The following SPHK1 variants were observed in gnomAD, a reference collection of about 807,000 sequenced individuals.
SPHK1 encodes sphingosine kinase 1.
In SPHK1, 10 loss-of-function variants were observed where a neutral mutation model predicts 14.6. That is an observed-to-expected ratio of 0.68 (90% confidence interval 0.42 to 1.16). The LOEUF (loss-of-function observed/expected upper bound fraction) is 1.16, where lower values mean the gene tolerates loss of function less well. Among genes scored for constraint, SPHK1 ranks in the 50% most tolerant of loss-of-function variants. SPHK1 has a pLI of 0.00. For synonymous variants in SPHK1, 274 were observed against 224.0 expected, an observed-to-expected ratio of 1.22 and a Z score of -1.99; for missense variants, 553 against 525.4, an observed-to-expected ratio of 1.05 and a Z score of -0.51.
chr17:76,386,234 C>T lies in SPHK1; in HGVS notation c.177C>T (p.His59=), dbSNP rs779438453. 2.1e-5 allele frequency: 34 copies of T among 1,594,784 alleles called. No individual in the cohort carries two copies. The highest frequency in any genetic ancestry group is 3.3e-5 in the South Asian group (3 of 90,294). ...GTCTCCCTGCAGAGCGGCGGAACCA[C>T]GCGCGGGAGCTGGTGCGGTCGGAGG... ...FTLMLTERRN[H]ARELVRSEEL... is the part of the protein sequence containing the mutation. The change falls in exon 4 of 6, where the codon CAC becomes CAT. Residue 59 remains histidine (H), a synonymous_variant. Coordinates refer to ENST00000592299, the MANE Select transcript of SPHK1 (RefSeq NM_001142601.2). This position sits in a 1 kb window ranked among gnomAD's most constrained non-coding sequence, Gnocchi z 5.3.
At chr17:76,383,717 G>A, upstream of SPHK1, 1 of 648,232 alleles carries the variant, frequency 1.5e-6, no homozygotes, top group South Asian at 1.6e-5. Flanking sequence ...TCTGTGGCTT[G>A]CCGCGATAAG....
Position 76,386,267 on chromosome 17 carries a change from C to CCGCTGGGA in SPHK1, c.215_222dup (p.Leu75GlyfsTer12). The CCGCTGGGA allele has an allele frequency of 6.3e-7, 1 of 1,596,826 alleles. No individual in the cohort carries two copies. Among genetic ancestry groups the CCGCTGGGA allele is most frequent in the Non-Finnish European group, 8.5e-7 (1 of 1,176,882 alleles). On this transcript the variant is annotated frameshift_variant, in exon 4 of 6. Coordinates refer to ENST00000592299, the MANE Select transcript of SPHK1 (RefSeq NM_001142601.2). LOFTEE classifies it high-confidence loss of function. The surrounding 1 kb of genome is among the most constrained non-coding windows in gnomAD (Gnocchi z 5.3). The stretch of plus-strand genomic sequence containing the variant: ...AGCTGGTGCGGTCGGAGGAGCTGGG[C>CCGCTGGGA]CGCTGGGACGCTCTGGTGGTCATGT...
In SPHK1 at chr17:76,386,076, C is replaced by T; in HGVS notation, c.102C>T (p.Phe34=). 1 of 1,607,002 alleles carries T rather than the reference C, an allele frequency of 6.2e-7. No individual in the cohort carries two copies. The highest frequency in any genetic ancestry group is 8.5e-7 in the Non-Finnish European group (1 of 1,176,468). ...GCAAGGGCAAGGCCTTGCAGCTCTT[C>T]CGGAGTCACGTGCAGCCCCTTTTGG... ...RGGKGKALQL[F]RSHVQPLLAE... is the part of the protein sequence containing the mutation. Residue 34 remains phenylalanine (F), a synonymous_variant, in exon 3 of 6, where the codon TTC becomes TTT. Transcript: ENST00000592299. The surrounding 1 kb of genome is among the most constrained non-coding windows in gnomAD (Gnocchi z 5.3).
Position 76,386,471 on chromosome 17 carries a change from G to A in SPHK1, c.337G>A (p.Gly113Ser). The change falls in exon 5 of 6, where the codon GGC (glycine) becomes AGC (serine). Residue 113 changes from glycine to serine, a missense_variant. Coordinates refer to ENST00000592299, the MANE Select transcript of SPHK1 (RefSeq NM_001142601.2). The surrounding 1 kb of genome is among the most constrained non-coding windows in gnomAD (Gnocchi z 5.3). ...CCTGTGTAGCCTCCCAGCAGGCTCT[G>A]GCAACGCGCTGGCAGCTTCCTTGAA... is the stretch of plus-strand genomic sequence containing the variant. Reference protein sequence around the residue: ...KPLCSLPAGSGNALAASLNHY... With the variant: ...KPLCSLPAGSSNALAASLNHY... 6.2e-7 allele frequency: 1 copy of A among 1,612,914 alleles called. No homozygotes were observed. Among genetic ancestry groups the A allele is most frequent in the Non-Finnish European group, 8.5e-7 (1 of 1,179,954 alleles).
At chr17:76,384,213 G>A (rs1384709809), upstream of SPHK1, 10 of 155,270 alleles carry the variant, frequency 6.4e-5, no homozygotes, top group Non-Finnish European at 1.4e-4. Flanking sequence ...TGAAACCAAG[G>A]GTCCCCCGGG....
rs768353315 is a variant in SPHK1 at position 76,385,427 on chromosome 17, C to CT, written c.-194-24_-194-23insT. On this transcript the variant is annotated intron_variant, in intron 1 of 5. Coordinates refer to ENST00000592299, the MANE Select transcript of SPHK1 (RefSeq NM_001142601.2). This position sits in a 1 kb window ranked among gnomAD's most constrained non-coding sequence, Gnocchi z 5.3. ...CTGGCAGCTGCGGCCCCGGACTCCG[C>CT]CAGCGCTGTCTTCTCTCCCTCAGGT... 2.9e-5 allele frequency: 43 copies of CT among 1,503,036 alleles called. No individual in the cohort carries two copies. In the African/African-American group the frequency reaches 5.7e-4, roughly 20 times the overall value. The allele number at this position is 1,503,036 out of a possible 1,614,324, so 93.1% of individuals were successfully genotyped here.
At position 76,386,174 on chromosome 17, in the gene SPHK1, C is replaced by T. The variant is rs1415090207; in HGVS notation, c.163+37C>T. On this transcript the variant is annotated intron_variant, in intron 3 of 5. Transcript: ENST00000592299. The surrounding 1 kb of genome is among the most constrained non-coding windows in gnomAD (Gnocchi z 5.3). ...TCGGAGGGGGTTTCGGGAGCATCCCCTGGCAGGGGACCCCCCCAGTCCTGA... is the reference window on the plus strand; with the variant it reads ...TCGGAGGGGGTTTCGGGAGCATCCCTTGGCAGGGGACCCCCCCAGTCCTGA... 1.9e-6 allele frequency: 3 copies of T among 1,588,662 alleles called. No individual in the cohort carries two copies. The highest frequency in any genetic ancestry group is 2.6e-6 in the Non-Finnish European group (3 of 1,170,492).
chr17:76,386,796 C>A lies in SPHK1; in HGVS notation c.375-10C>A. 4 of 1,528,224 alleles carry A rather than the reference C, an allele frequency of 2.6e-6. No individual in the cohort carries two copies. Among genetic ancestry groups the A allele is most frequent in the South Asian group, 1.3e-5 (1 of 77,038 alleles). The allele number at this position is 1,528,224 out of a possible 1,614,324, so 94.7% of individuals were successfully genotyped here. A position where few individuals can be genotyped will look rare whatever the true frequency, so the allele number is the denominator to read the frequency against. On this transcript the variant is annotated splice_polypyrimidine_tract_variant and intron_variant, in intron 5 of 5. Transcript: ENST00000592299. This position sits in a 1 kb window ranked among gnomAD's most constrained non-coding sequence, Gnocchi z 5.3. Reference sequence around the variant, plus strand: ...CCTGTCCTGCCTTATCTGACTTTTTCCCCCTGCAGCTATGAGCAGGTCACC... The same window carrying A: ...CCTGTCCTGCCTTATCTGACTTTTTACCCCTGCAGCTATGAGCAGGTCACC...
In SPHK1 at chr17:76,385,018, G is replaced by A; in HGVS notation, c.-195+212G>A. The A allele has an allele frequency of 6.9e-7, 1 of 1,447,440 alleles. No homozygotes were observed. 89.7% of individuals were successfully genotyped at this position (1,447,440 alleles called of 1,614,324 possible). A position where few individuals can be genotyped will look rare whatever the true frequency, so the allele number is the denominator to read the frequency against. On this transcript the variant is annotated intron_variant, in intron 1 of 5. Transcript: ENST00000592299. This position sits in a 1 kb window ranked among gnomAD's most constrained non-coding sequence, Gnocchi z 5.3. ...GGGGCCCTGAGAAGCGCGCGCCGCG[G>A]CTCCCACCGCTCTGGAGCTCCGGGC...
rs368103398 is a variant in SPHK1, at chr17:76,387,085, G to A, written c.654G>A (p.Val218=). The A allele has an allele frequency of 4.4e-5, 71 of 1,613,226 alleles. No homozygotes were observed. Among genetic ancestry groups the A allele is most frequent in the East Asian group, 1.6e-4 (7 of 44,896 alleles). The change falls in exon 6 of 6, where the codon GTG becomes GTA. Residue 218 remains valine (V), a synonymous_variant. Transcript: ENST00000592299. The surrounding 1 kb of genome is among the most constrained non-coding windows in gnomAD (Gnocchi z 4.1). The stretch of plus-strand genomic sequence containing the variant: ...TGGCCTACCTCCCTGTAGGAAGAGT[G>A]GGTTCCAAGACACCTGCCTCCCCCG... ...GRLAYLPVGR[V]GSKTPASPVV...
Position 76,386,022 on chromosome 17 carries a change from C to T in SPHK1, c.48C>T (p.Arg16=). Residue 16 remains arginine (R), a synonymous_variant, in exon 3 of 6, where the codon CGC becomes CGT. Coordinates refer to ENST00000592299, the MANE Select transcript of SPHK1 (RefSeq NM_001142601.2). This position sits in a 1 kb window ranked among gnomAD's most constrained non-coding sequence, Gnocchi z 5.3. ...GGGGCGTGCTCCCGCGGCCCTGCCG[C>T]GTGCTGGTGCTGCTGAACCCGCGCG... ...GPRGVLPRPC[R]VLVLLNPRGG... The T allele has an allele frequency of 6.2e-7, 1 of 1,605,478 alleles. No homozygotes were observed. The highest frequency in any genetic ancestry group is 8.5e-7 in the Non-Finnish European group (1 of 1,175,460).
chr17:76,387,093 A>G lies in SPHK1; in HGVS notation c.662A>G (p.Lys221Arg). 6.2e-7 allele frequency: 1 copy of G among 1,613,322 alleles called. No homozygotes were observed. Reference sequence around the variant, plus strand: ...CTCCCTGTAGGAAGAGTGGGTTCCAAGACACCTGCCTCCCCCGTTGTGGTC... The same window carrying G: ...CTCCCTGTAGGAAGAGTGGGTTCCAGGACACCTGCCTCCCCCGTTGTGGTC... ...AYLPVGRVGSKTPASPVVVQQ... is the reference protein window; with the variant it reads ...AYLPVGRVGSRTPASPVVVQQ... Residue 221 changes from lysine to arginine, a missense_variant, in exon 6 of 6, where the codon AAG becomes AGG. Coordinates refer to ENST00000592299, the MANE Select transcript of SPHK1 (RefSeq NM_001142601.2). This position sits in a 1 kb window ranked among gnomAD's most constrained non-coding sequence, Gnocchi z 4.1.
chr17:76,385,475 C>T lies in SPHK1; in HGVS notation c.-170C>T, dbSNP rs752498920. 3.2e-6 allele frequency: 5 copies of T among 1,559,182 alleles called. No homozygotes were observed. The highest frequency in any genetic ancestry group is 1.4e-5 in the African/African-American group (1 of 73,794). ...GGTCCAGCCGCCGCAGGGAATGACG[C>T]CGGTGCTCCTGCAGCCACGGCTCCG... On this transcript the variant is annotated 5_prime_UTR_variant, in exon 2 of 6. Transcript: ENST00000592299. The surrounding 1 kb of genome is among the most constrained non-coding windows in gnomAD (Gnocchi z 5.3).
chr17:76,385,009 C>T lies in SPHK1; in HGVS notation c.-195+203C>T, dbSNP rs2071936366. On this transcript the variant is annotated intron_variant, in intron 1 of 5. Coordinates refer to ENST00000592299, the MANE Select transcript of SPHK1 (RefSeq NM_001142601.2). The surrounding 1 kb of genome is among the most constrained non-coding windows in gnomAD (Gnocchi z 5.3). ...CAACGGAGCGGGGCCCTGAGAAGCG[C>T]GCGCCGCGGCTCCCACCGCTCTGGA... is the stretch of plus-strand genomic sequence containing the variant. 2.1e-6 allele frequency: 3 copies of T among 1,406,342 alleles called. No homozygotes were observed. Among genetic ancestry groups the T allele is most frequent in the South Asian group, 1.4e-5 (1 of 73,586 alleles). 87.1% of individuals were successfully genotyped at this position (1,406,342 alleles called of 1,614,324 possible). A position where few individuals can be genotyped will look rare whatever the true frequency, so the allele number is the denominator to read the frequency against.
rs1186744741 is a variant in SPHK1, at chr17:76,385,444, C to T, written c.-194-7C>T. 10 of 1,532,128 alleles carry T rather than the reference C, an allele frequency of 6.5e-6. No homozygotes were observed. The African/African-American group carries it at 8.3e-5, about 13-fold the overall frequency. The allele number at this position is 1,532,128 out of a possible 1,614,324, so 94.9% of individuals were successfully genotyped here. On this transcript the variant is annotated splice_region_variant and splice_polypyrimidine_tract_variant and intron_variant, in intron 1 of 5. Transcript: ENST00000592299. The surrounding 1 kb of genome is among the most constrained non-coding windows in gnomAD (Gnocchi z 5.3). ...GGACTCCGCCAGCGCTGTCTTCTCT[C>T]CCTCAGGTCCAGCCGCCGCAGGGAA...
upstream of SPHK1, chr17:76,383,821 G>A: frequency 2.3e-6 from 3 of 1,287,136 alleles, no homozygotes; most frequent in South Asian, 2.5e-5. Flanking sequence ...TTCACGCTGA[G>A]CCAGAGGGGG....
Position 76,385,908 on chromosome 17 carries a change from A to G in SPHK1, c.11-77A>G. 6.6e-7 allele frequency: 1 copy of G among 1,515,794 alleles called. No individual in the cohort carries two copies. Among genetic ancestry groups the G allele is most frequent in the Non-Finnish European group, 8.9e-7 (1 of 1,127,986 alleles). The allele number at this position is 1,515,794 out of a possible 1,614,324, so 93.9% of individuals were successfully genotyped here. A position where few individuals can be genotyped will look rare whatever the true frequency, so the allele number is the denominator to read the frequency against. Reference sequence around the variant, plus strand: ...GGGGTGTTTCGGGCACCAAGTTCCCACACTAGTGCCCCATTGTTACCCGTG... The same window carrying G: ...GGGGTGTTTCGGGCACCAAGTTCCCGCACTAGTGCCCCATTGTTACCCGTG... On this transcript the variant is annotated intron_variant, in intron 2 of 5. Transcript: ENST00000592299. This position sits in a 1 kb window ranked among gnomAD's most constrained non-coding sequence, Gnocchi z 5.3.
At chr17:76,383,792 G>C (rs972582298), upstream of SPHK1, 44 of 1,261,360 alleles carry the variant, frequency 3.5e-5, no homozygotes, top group Non-Finnish European at 4.5e-5. Context: ...ACTTCTGAGC[G>C]CGTTTCCGGC....
Position 76,387,217 on chromosome 17 carries a change from A to C in SPHK1, c.786A>C (p.Ala262=), listed in dbSNP as rs1162673440. Residue 262 remains alanine (A), a synonymous_variant, in exon 6 of 6, where the codon GCA becomes GCC. Coordinates refer to ENST00000592299, the MANE Select transcript of SPHK1 (RefSeq NM_001142601.2). The surrounding 1 kb of genome is among the most constrained non-coding windows in gnomAD (Gnocchi z 4.1). ...ACGAGGACTTTGTGCTAGTCCTGGCACTGCTGCACTCGCACCTGGGCAGTG... is the reference window on the plus strand; with the variant it reads ...ACGAGGACTTTGTGCTAGTCCTGGCCCTGCTGCACTCGCACCTGGGCAGTG... ...VPDEDFVLVL[A]LLHSHLGSEM... is the part of the protein sequence containing the mutation. 1 of 1,613,016 alleles carries C rather than the reference A, an allele frequency of 6.2e-7. No individual in the cohort carries two copies. The highest frequency in any genetic ancestry group is 8.5e-7 in the Non-Finnish European group (1 of 1,179,888).
Sources: gnomAD v4.1 joint callset for allele counts on GRCh38, gnomAD v4.1.1 for gene constraint, Gnocchi (gnomAD v3.1) non-coding constraint, MANE v1.5 for transcripts, NCBI Gene and HGNC (gene_info 2026-07-23, HGNC 2026-07-21) for gene names.